Variants in CCDC88A observed in about 807,000 individuals in gnomAD.
The protein encoded by CCDC88A is coiled-coil and HOOK domain protein 88A.
In CCDC88A, 54 loss-of-function variants were observed where a neutral mutation model predicts 234.3. That is an observed-to-expected ratio of 0.23 (90% CI 0.19 to 0.29). The LOEUF (loss-of-function observed/expected upper bound fraction) is 0.29. Ranked by LOEUF, CCDC88A falls within the 10% of genes least tolerant of loss-of-function variation. The pLI, the probability that CCDC88A is intolerant of heterozygous loss-of-function variation, is 1.00. For missense variants in CCDC88A, 1,832 were observed against 2,123.4 expected, an observed-to-expected ratio of 0.86 and a Z score of 2.70; for synonymous variants, 753 against 737.8, an observed-to-expected ratio of 1.02 and a Z score of -0.33.
intron 2 of CCDC88A, 29 bp downstream of exon 2, chr2:55,418,787 C>A: frequency 6.5e-7 from 1 of 1,549,510 alleles, no homozygotes; most frequent in South Asian, 1.1e-5. Flanking sequence ...TCAAAGAAAA[C>A]GTTACCTAGG....
chr2:55,403,333 G>C (rs1679034595), intron 2 of CCDC88A: 2 of 152,176 alleles, frequency 1.3e-5, no homozygotes, highest in Non-Finnish European at 1.5e-5. Context: ...TGTTATGCAA[G>C]AACATTATGT....
chr2:55,316,855 C>T, intron 21 of CCDC88A: 1 of 152,942 alleles, frequency 6.5e-6, no homozygotes, highest in Non-Finnish European at 1.5e-5. Context: ...CCTGTCTCAC[C>T]CACCCAAGTA....
rs1250311203 is a variant in CCDC88A at position 55,302,022 on chromosome 2, T to C, written c.4522A>G (p.Ser1508Gly). The change falls in exon 27 of 33, where the codon AGT becomes GGT. Residue 1508 changes from serine (S) to glycine (G), a missense_variant. By Grantham distance (56) the Ser-to-Gly change is moderately conservative. Coordinates refer to ENST00000436346, the MANE Select transcript of CCDC88A (RefSeq NM_001365480.1). ...TCAGGAACCTCCAAATTCTCAGTAC[T>C]ACCTGTCCACTGTCCTGCTAGGACC... is the stretch of plus-strand genomic sequence containing the variant. ...SMVLAGQWTG[S>G]TENLEVPDDI... The C allele has an allele frequency of 6.2e-7, 1 of 1,614,028 alleles. No individual in the cohort carries two copies. Among genetic ancestry groups the C allele is most frequent in the Non-Finnish European group, 8.5e-7 (1 of 1,179,968 alleles).
chr2:55,344,164 G>T (rs1558707170), intron 11 of CCDC88A: 1 of 393,052 alleles, frequency 2.5e-6, no homozygotes, highest in South Asian at 8.8e-5. Flanking sequence ...GACAACATTA[G>T]TAAGTAACAT....
rs141422877 is a variant in CCDC88A, at chr2:55,359,574, C to T, written c.627+2734G>A. Among the ~76,000 whole-genome samples, 67 of 150,574 alleles carry T rather than the reference C, an allele frequency of 4.4e-4. 2 individuals carry two copies. The East Asian group carries it at 0.013, about 29-fold the overall frequency. ...AAAGCATAACGAATTTCGTATGCCC[C>T]CCCATTCCTGTAGCATATATATAAG... On this transcript the variant is annotated intron_variant, in intron 7 of 32. Coordinates refer to ENST00000436346, the MANE Select transcript of CCDC88A (RefSeq NM_001365480.1).
chr2:55,348,199 A>G (rs1669416509), intron 9 of CCDC88A, among the ~76,000 whole-genome samples: 1 of 152,114 alleles, frequency 6.6e-6, no homozygotes, highest in Non-Finnish European at 1.5e-5. Flanking sequence ...TCCTGGGCTC[A>G]AGCAACCCAC....
At chr2:55,361,750 C>T (rs1671351830) in intron 7 of CCDC88A, among the ~76,000 whole-genome samples, 1 of 152,184 alleles carries the variant, frequency 6.6e-6, no homozygotes, top group Non-Finnish European at 1.5e-5. Context: ...TCAGACAGTG[C>T]AGATAGAAAA....
rs749455625 is a variant in CCDC88A at position 55,334,408 on chromosome 2, T to C, written c.2413A>G (p.Ile805Val). Residue 805 changes from isoleucine to valine, a missense_variant, in exon 15 of 33, where the codon ATA (isoleucine) becomes GTA (valine). By Grantham distance (29) the Ile-to-Val change is conservative. This residue lies in a region of CCDC88A where 1,282 missense variants were observed against 1,543.6 expected (regional missense o/e 0.83). Coordinates refer to ENST00000436346, the MANE Select transcript of CCDC88A (RefSeq NM_001365480.1). This position sits in a 1 kb window ranked among gnomAD's most constrained non-coding sequence, Gnocchi z 6.1. ...TLQKNLEELK[I>V]SSKRLEQLEK... ...AGCTGTTCTAGTCTTTTGCTAGATA[T>C]TTTTAGTTCTTCTAGGTTTTTCTGC... 2 of 1,581,108 alleles carry C rather than the reference T, an allele frequency of 1.3e-6. No homozygotes were observed. Among genetic ancestry groups the C allele is most frequent in the Non-Finnish European group, 1.7e-6 (2 of 1,171,292 alleles).
rs56233901 is a variant in CCDC88A at position 55,385,852 on chromosome 2, CAAAAAAAAAAA to C, written c.273+2915_273+2925del. Among the ~76,000 whole-genome samples, 11 of 62,476 alleles carry C rather than the reference CAAAAAAAAAAA, an allele frequency of 1.8e-4. No homozygotes were observed. In the South Asian group the frequency reaches 3.0e-3, roughly 17 times the overall value. The allele number at this position is 62,476 out of a possible 152,430, so 41.0% of individuals were successfully genotyped here. On this transcript the variant is annotated intron_variant, in intron 3 of 32. Coordinates refer to ENST00000436346, the MANE Select transcript of CCDC88A (RefSeq NM_001365480.1). ...TAGGTAACAGAGTGAAACTCCATGT[CAAAAAAAAAAA>C]AAAAAAAAAAAAAAAAAAGACAGCT...
intron 25 of CCDC88A, among the ~76,000 whole-genome samples, chr2:55,303,995 G>A (rs895536951): frequency 6.6e-6 from 1 of 152,184 alleles, no homozygotes; most frequent in Non-Finnish European, 1.5e-5. Flanking sequence ...GTGCCCAGGG[G>A]ATGTTTAAAA....
At chr2:55,401,889 C>T (rs941634458) in intron 2 of CCDC88A, among the ~76,000 whole-genome samples, 1 of 151,996 alleles carries the variant, frequency 6.6e-6, no homozygotes, top group Non-Finnish European at 1.5e-5. Flanking sequence ...AGAAGTAATG[C>T]TTTAATTTAA....
intron 5 of CCDC88A, among the ~76,000 whole-genome samples, chr2:55,366,233 T>C (rs1240511665): frequency 6.6e-6 from 1 of 152,102 alleles, no homozygotes; most frequent in East Asian, 1.9e-4. Context: ...ATTCTAAGAA[T>C]ACGACATGGA....
chr2:55,296,236 G>T, intron 30 of CCDC88A, 22 bp downstream of exon 30: 1 of 1,603,520 alleles, frequency 6.2e-7, no homozygotes, highest in South Asian at 1.1e-5. Flanking sequence ...TCTAAATTAA[G>T]GTCATCATAG....
At chr2:55,408,614 T>C (rs867228937) in intron 2 of CCDC88A, among the ~76,000 whole-genome samples, 7 of 152,124 alleles carry the variant, frequency 4.6e-5, no homozygotes, top group South Asian at 2.1e-4. Flanking sequence ...TTACCCTATA[T>C]GGTCTAAAAA....
chr2:55,332,535 C>T lies in CCDC88A; in HGVS notation c.2855+31G>A, dbSNP rs1216615631. 3 of 1,560,334 alleles carry T rather than the reference C, an allele frequency of 1.9e-6. No homozygotes were observed. Among genetic ancestry groups the T allele is most frequent in the African/African-American group, 2.8e-5 (2 of 71,840 alleles). On this transcript the variant is annotated intron_variant, in intron 16 of 32. Coordinates refer to ENST00000436346, the MANE Select transcript of CCDC88A (RefSeq NM_001365480.1). This position sits in a 1 kb window ranked among gnomAD's most constrained non-coding sequence, Gnocchi z 4.5. The stretch of plus-strand genomic sequence containing the variant: ...ATGAGCAAAAAAAAAAAAAAATTTT[C>T]AACTGTTTGCCAAGTAGACTTAGTA...
chr2:55,334,903 C>G lies in CCDC88A; in HGVS notation c.1918G>C (p.Glu640Gln), dbSNP rs866225848. The change falls in exon 15 of 33, where the codon GAA becomes CAA. Residue 640 changes from glutamate to glutamine, a missense_variant. Physicochemically the swap from Glu to Gln is conservative, Grantham distance 29. Around this residue, in one of 6 missense-constraint regions of CCDC88A, gnomAD observed 1,282 missense variants for 1,543.6 expected, o/e 0.83. Transcript: ENST00000436346. The surrounding 1 kb of genome is among the most constrained non-coding windows in gnomAD (Gnocchi z 6.1). ...ATTTTTTTCTGTAATAATTCATTTTCTTTTTCAAGATGATGCAATTCATTT... is the reference window on the plus strand; with the variant it reads ...ATTTTTTTCTGTAATAATTCATTTTGTTTTTCAAGATGATGCAATTCATTT... ...LENELHHLEK[E>Q]NELLQKKITN... The G allele has an allele frequency of 6.6e-7, 1 of 1,515,278 alleles. No individual in the cohort carries two copies. The highest frequency in any genetic ancestry group is 8.9e-7 in the Non-Finnish European group (1 of 1,118,266). 93.9% of individuals were successfully genotyped at this position (1,515,278 alleles called of 1,614,324 possible).
chr2:55,402,471 T>A (rs1459998070), intron 2 of CCDC88A, among the ~76,000 whole-genome samples: 1 of 152,202 alleles, frequency 6.6e-6, no homozygotes, highest in Non-Finnish European at 1.5e-5. Context: ...TTCTTTGATA[T>A]TACCAAAATT....
chr2:55,302,866 C>A, intron 26 of CCDC88A: 1 of 393,498 alleles, frequency 2.5e-6, no homozygotes, highest in Non-Finnish European at 4.6e-6. Flanking sequence ...TAGAAATATG[C>A]ACGTATATGT....
chr2:55,295,538 T>G (rs752753155), intron 31 of CCDC88A, 59 bp downstream of exon 31: 4 of 1,613,790 alleles, frequency 2.5e-6, no homozygotes, highest in Non-Finnish European at 3.4e-6. Context: ...CACAAGAACC[T>G]ATAGTATGTG....
Sources: allele counts gnomAD v4.1 joint callset (sites outside exome capture counted in the v4.1 genomes callset), GRCh38; gene constraint gnomAD v4.1.1; regional missense constraint gnomAD v4.1.1; non-coding constraint Gnocchi (gnomAD v3.1); transcripts MANE v1.5; gene names NCBI Gene and HGNC (gene_info 2026-07-23, HGNC 2026-07-21).